TCF20: variants seen among roughly 807,000 people sequenced by gnomAD.
TCF20 encodes the protein SPRE-binding protein.
A neutral mutation model predicts 148.6 loss-of-function variants in TCF20; 3 were observed. The ratio of observed to expected loss-of-function variants is 0.02; its 90% confidence interval spans 0.01 to 0.05. The LOEUF is 0.05. Among genes scored for constraint, TCF20 ranks in the 10% least tolerant of loss-of-function variants. TCF20 has a pLI of 1.00. For missense variants in TCF20, 2,350 were observed against 2,429.3 expected, an observed-to-expected ratio of 0.97 and a Z score of 0.69; for synonymous variants, 1,049 against 909.5, an observed-to-expected ratio of 1.15 and a Z score of -2.76.
At chr22:42,335,908 C>A (rs1330665553) in intron 1 of TCF20, among the ~76,000 whole-genome samples, 1 of 152,208 alleles carries the variant, frequency 6.6e-6, no homozygotes, top group Non-Finnish European at 1.5e-5. Context: ...CCCGAGGCCA[C>A]CTGTGGTGGG....
rs376915153 is a variant in TCF20, at chr22:42,209,978, C to T, written c.5328G>A (p.Glu1776=). Residue 1776 remains glutamate (E), a synonymous_variant, in exon 2 of 6, where the codon GAG becomes GAA. Coordinates refer to ENST00000677622, the MANE Select transcript of TCF20 (RefSeq NM_001378418.1). ...TGGGGTGTGCGGCCAGGCTTCTCTG[C>T]TCCTTCTGCTGCTGCTGCTGCTCTT... ...EEEEQQQQQK[E]QRSLAAHPRF... 1.2e-6 allele frequency: 2 copies of T among 1,613,430 alleles called. No individual in the cohort carries two copies. Among genetic ancestry groups the T allele is most frequent in the African/African-American group, 2.7e-5 (2 of 74,908 alleles).
chr22:42,199,132 C>T lies in TCF20; in HGVS notation c.5655+10519G>A, dbSNP rs146286195. ...TTATCAGGATTGCGGCATTCTTCTA[C>T]GAACAGTTCCATTAGTTTTACAATA... On this transcript the variant is annotated intron_variant, in intron 2 of 5. Transcript: ENST00000677622. 8.3e-4 allele frequency among the ~76,000 whole-genome samples: 127 copies of T among 152,248 alleles called. 1 individual carries two copies. The highest frequency in any genetic ancestry group is 9.9e-4 in the Non-Finnish European group (67 of 68,014).
chr22:42,172,658 G>T (rs1187602002), intron 3 of TCF20, among the ~76,000 whole-genome samples: 3 of 152,226 alleles, frequency 2.0e-5, no homozygotes, highest in Non-Finnish European at 4.4e-5. Context: ...TGAAGCTTCA[G>T]ATACCCACAT....
intron 1 of TCF20, among the ~76,000 whole-genome samples, chr22:42,263,248 C>T (rs1926117323): frequency 6.6e-6 from 1 of 152,318 alleles, no homozygotes; most frequent in Non-Finnish European, 1.5e-5. Flanking sequence ...ATAATATCCT[C>T]TCACATCACT....
At chr22:42,225,981 G>GC (rs1209537848) in intron 1 of TCF20, among the ~76,000 whole-genome samples, 7 of 152,228 alleles carry the variant, frequency 4.6e-5, no homozygotes, top group African/African-American at 1.7e-4. Context: ...CCAAGAGGCT[G>GC]CAAGCATCCT....
Position 42,209,868 on chromosome 22 carries a change from G to A in TCF20, c.5438C>T (p.Thr1813Ile). The A allele has an allele frequency of 6.2e-7, 1 of 1,614,220 alleles. No individual in the cohort carries two copies. ...SRGLPCKKAATEGSSEKTVLD... is the reference protein window; with the variant it reads ...SRGLPCKKAAIEGSSEKTVLD... The stretch of plus-strand genomic sequence containing the variant: ...AACAGTCTTTTCACTGCTGCCCTCA[G>A]TGGCTGCTTTTTTACAAGGGAGCCC... The change falls in exon 2 of 6, where the codon ACT becomes ATT. Residue 1813 changes from threonine to isoleucine, a missense_variant. Coordinates refer to ENST00000677622, the MANE Select transcript of TCF20 (RefSeq NM_001378418.1).
intron 1 of TCF20, among the ~76,000 whole-genome samples, chr22:42,312,417 G>A (rs1262027509): frequency 6.6e-6 from 1 of 152,164 alleles, no homozygotes; most frequent in African/African-American, 2.4e-5. Context: ...TTATTGAGGG[G>A]GTCTGATGGA....
At chr22:42,275,480 A>G (rs1020216502), upstream of TCF20, among the ~76,000 whole-genome samples, 3 of 152,110 alleles carry the variant, frequency 2.0e-5, no homozygotes, top group East Asian at 5.8e-4. Context: ...CTGGACTCTC[A>G]TCGGGCCAGT....
chr22:42,341,381 G>A (rs894456599), intron 1 of TCF20, among the ~76,000 whole-genome samples: 14 of 152,186 alleles, frequency 9.2e-5, no homozygotes, highest in Non-Finnish European at 1.6e-4. Flanking sequence ...CATCAGGGGT[G>A]GGCTAGATGG....
chr22:42,287,153 C>T (rs1490715370), upstream of TCF20, among the ~76,000 whole-genome samples: 1 of 152,168 alleles, frequency 6.6e-6, no homozygotes, highest in Non-Finnish European at 1.5e-5. Flanking sequence ...CGACAACTCC[C>T]AGGCACATTT....
At chr22:42,201,348 G>T (rs1938001047) in intron 2 of TCF20, among the ~76,000 whole-genome samples, 1 of 152,174 alleles carries the variant, frequency 6.6e-6, no homozygotes, top group African/African-American at 2.4e-5. Context: ...CACTGTTTTA[G>T]GGGAGGAGGT....
At chr22:42,289,646 G>C (rs1026441773) in intron 1 of TCF20, among the ~76,000 whole-genome samples, 2 of 152,176 alleles carry the variant, frequency 1.3e-5, no homozygotes, top group Non-Finnish European at 2.9e-5. Flanking sequence ...GAACTTAGGC[G>C]GCTAAAGGGA....
intron 2 of TCF20, among the ~76,000 whole-genome samples, chr22:42,195,141 G>C (rs1463826750): frequency 6.7e-6 from 1 of 149,078 alleles, no homozygotes; most frequent in East Asian, 2.1e-4. Context: ...GGAAGAACAG[G>C]TTTGGTGGTG....
At chr22:42,163,283 T>G (rs1406675750) in intron 5 of TCF20, among the ~76,000 whole-genome samples, 1 of 152,216 alleles carries the variant, frequency 6.6e-6, no homozygotes, top group East Asian at 1.9e-4. Context: ...GGCCCCTCCC[T>G]GGGGCGCGTG....
chr22:42,339,299 T>C (rs1316060847), intron 1 of TCF20, among the ~76,000 whole-genome samples: 1 of 152,120 alleles, frequency 6.6e-6, no homozygotes, highest in Non-Finnish European at 1.5e-5. Flanking sequence ...AGAGACTAAG[T>C]GATATATCCA....
At chr22:42,167,918 AG>A (rs1935890217) in intron 5 of TCF20, among the ~76,000 whole-genome samples, 1 of 150,382 alleles carries the variant, frequency 6.6e-6, no homozygotes, top group Non-Finnish European at 1.5e-5. Flanking sequence ...ATGTAGACAC[AG>A]GGTCTCACTG....
chr22:42,162,366 CTA>C (rs1258107150), intron 5 of TCF20, among the ~76,000 whole-genome samples: 5 of 152,110 alleles, frequency 3.3e-5, no homozygotes, highest in Admixed American at 3.3e-4. Context: ...CAGAGCTGGA[CTA>C]TGTTAATCCT....
intron 1 of TCF20, among the ~76,000 whole-genome samples, chr22:42,311,006 G>A (rs1927525526): frequency 1.3e-5 from 2 of 152,250 alleles, no homozygotes; most frequent in Admixed American, 1.3e-4. Flanking sequence ...ACGGCCTGGA[G>A]GGAGGAACAC....
intron 1 of TCF20, among the ~76,000 whole-genome samples, chr22:42,247,883 C>T (rs1925051832): frequency 1.3e-5 from 2 of 152,158 alleles, no homozygotes; most frequent in Non-Finnish European, 2.9e-5. Context: ...AATTTCCTCA[C>T]TTAAAATCAC....
Sources: allele counts gnomAD v4.1 joint callset (sites outside exome capture counted in the v4.1 genomes callset), GRCh38; gene constraint gnomAD v4.1.1; transcripts MANE v1.5; gene names NCBI Gene and HGNC (gene_info 2026-07-23, HGNC 2026-07-21).